Variants in AGBL1 observed in about 807,000 individuals in gnomAD.
The protein encoded by AGBL1 is cytosolic carboxypeptidase 4.
Under a neutral mutation model 118.9 loss-of-function variants are expected in AGBL1, and 130 were observed. The observed-to-expected ratio is 1.09, with a 90% CI of 0.95 to 1.26. The LOEUF is 1.26. AGBL1 is among the 50% of genes most tolerant of loss of function. The pLI, the probability that AGBL1 is intolerant of heterozygous loss-of-function variation, is 0.00. For synonymous variants in AGBL1, 555 were observed against 478.9 expected, an observed-to-expected ratio of 1.16 and a Z score of -2.08; for missense variants, 1,584 against 1,298.1, an observed-to-expected ratio of 1.22 and a Z score of -3.38.
At chr15:86,222,148 G>A (rs988811082) in intron 5 of AGBL1, among the ~76,000 whole-genome samples, 1 of 152,024 alleles carries the variant, frequency 6.6e-6, no homozygotes, top group Admixed American at 6.6e-5. Flanking sequence ...TTTCCTCTCC[G>A]ATATCACCTG....
At chr15:86,459,574 T>TG (rs1441007347) in intron 18 of AGBL1, among the ~76,000 whole-genome samples, 2 of 152,158 alleles carry the variant, frequency 1.3e-5, no homozygotes, top group Non-Finnish European at 2.9e-5. Context: ...CTCTTATAAA[T>TG]TTTTTCCCAG....
chr15:86,130,070 G>A (rs2076799794), intron 1 of AGBL1, among the ~76,000 whole-genome samples: 1 of 152,130 alleles, frequency 6.6e-6, no homozygotes, highest in Non-Finnish European at 1.5e-5. Context: ...AGTCGTGTGG[G>A]TAGGGGAAAG....
intron 18 of AGBL1, among the ~76,000 whole-genome samples, chr15:86,422,421 C>G (rs182376124): frequency 6.6e-6 from 1 of 152,174 alleles, no homozygotes; most frequent in Admixed American, 6.5e-5. Context: ...CACAACTTAC[C>G]ACAATCTCTG....
chr15:86,633,846 ATGTATATATAT>A (rs2085028251), intron 21 of AGBL1, among the ~76,000 whole-genome samples: 1 of 35,840 alleles, frequency 2.8e-5, no homozygotes, highest in East Asian at 3.2e-3. Context: ...TATATATATA[ATGTATATATAT>A]ATATAATGTA....
At chr15:86,612,482 C>T (rs1409911602) in intron 21 of AGBL1, among the ~76,000 whole-genome samples, 1 of 152,048 alleles carries the variant, frequency 6.6e-6, no homozygotes, top group Non-Finnish European at 1.5e-5. Flanking sequence ...ATCACACCCT[C>T]CTCCCTTCGG....
At chr15:86,224,788 A>T (rs1281696483) in intron 5 of AGBL1, 126 bp from the exon 6 acceptor site, 2 of 844,600 alleles carry the variant, frequency 2.4e-6, no homozygotes, top group African/African-American at 1.7e-5. Context: ...CAATCAATAG[A>T]TTGCCTGCTA....
At chr15:86,611,248 A>G (rs1416268956) in intron 21 of AGBL1, among the ~76,000 whole-genome samples, 3 of 152,218 alleles carry the variant, frequency 2.0e-5, no homozygotes, top group African/African-American at 7.2e-5. Flanking sequence ...GTTTTAGAGG[A>G]ACTTCTGTGA....
rs150410348 is a variant in AGBL1, at chr15:86,736,171, A to G, written c.3158+61735A>G. Among the ~76,000 whole-genome samples the G allele has an allele frequency of 7.5e-3, 1,141 of 152,282 alleles. 5 individuals are homozygous for G. Among genetic ancestry groups the G allele is most frequent in the African/African-American group, 0.023 (974 of 41,556 alleles). On this transcript the variant is annotated intron_variant, in intron 22 of 22. Transcript: ENST00000614907. Reference sequence around the variant, plus strand: ...GCCGAGGTGGGCAGATCACGAGGTCAGGACATCAAGACCATCCTGTCCAAT... The same window carrying G: ...GCCGAGGTGGGCAGATCACGAGGTCGGGACATCAAGACCATCCTGTCCAAT...
chr15:86,453,641 G>T (rs1444251118), intron 18 of AGBL1, among the ~76,000 whole-genome samples: 1 of 152,136 alleles, frequency 6.6e-6, no homozygotes, highest in Admixed American at 6.5e-5. Flanking sequence ...TAGTAAGCTG[G>T]TCAATTTATT....
At chr15:86,471,898 A>G (rs1011541235) in intron 18 of AGBL1, among the ~76,000 whole-genome samples, 2 of 152,216 alleles carry the variant, frequency 1.3e-5, no homozygotes, top group African/African-American at 4.8e-5. Context: ...AAATGTCACT[A>G]AGTTAAAGAT....
intron 23 of AGBL1, among the ~76,000 whole-genome samples, chr15:86,922,491 C>T (rs1307792109): frequency 6.6e-6 from 1 of 152,156 alleles, no homozygotes; most frequent in Non-Finnish European, 1.5e-5. Context: ...AGGGTTTCAC[C>T]CTGTTGGCCA....
rs200864639 is a variant in AGBL1, at chr15:86,850,835, C to T, written c.3159-56252C>T. On this transcript the variant is annotated intron_variant, in intron 22 of 22. Transcript: ENST00000614907. ...CCAAAAGCTAAAAAACAAAACAAAA[C>T]AAAATGAAAAGATAGTTTCCTTCTG... Among the ~76,000 whole-genome samples the T allele has an allele frequency of 3.7e-3, 156 of 42,456 alleles. 1 individual carries two copies. The East Asian group carries it at 0.094, about 26-fold the overall frequency. The allele number at this position is 42,456 out of a possible 152,430, so 27.9% of individuals were successfully genotyped here. A position where few individuals can be genotyped will look rare whatever the true frequency, so the allele number is the denominator to read the frequency against.
intron 5 of AGBL1, among the ~76,000 whole-genome samples, chr15:86,219,678 C>T (rs924893717): frequency 2.0e-5 from 3 of 152,098 alleles, no homozygotes; most frequent in African/African-American, 7.2e-5. Flanking sequence ...TTAAGCTGTA[C>T]CACACTGTGC....
intron 17 of AGBL1, among the ~76,000 whole-genome samples, chr15:86,301,751 G>T (rs2079751107): frequency 6.6e-6 from 1 of 151,140 alleles, no homozygotes; most frequent in Non-Finnish European, 1.5e-5. Context: ...ACTAAGTTCA[G>T]CGGAAGCACA....
intron 24 of AGBL1, among the ~76,000 whole-genome samples, chr15:86,992,175 G>T (rs1029351889): frequency 6.6e-6 from 1 of 151,944 alleles, no homozygotes; most frequent in African/African-American, 2.4e-5. Context: ...TGTAGCACGT[G>T]CCACACTCTT....
intron 6 of AGBL1, among the ~76,000 whole-genome samples, chr15:86,231,695 T>C (rs1446227861): frequency 6.6e-6 from 1 of 152,106 alleles, no homozygotes; most frequent in East Asian, 1.9e-4. Context: ...GGAACTGAAG[T>C]TTGGAAAGCT....
chr15:86,561,300 T>G (rs1009355835), intron 21 of AGBL1, among the ~76,000 whole-genome samples: 1 of 152,248 alleles, frequency 6.6e-6, no homozygotes, highest in Admixed American at 6.5e-5. Context: ...GGTCTAACAT[T>G]TAAGTCTTTA....
At chr15:86,387,410 C>T (rs1382367154) in intron 17 of AGBL1, among the ~76,000 whole-genome samples, 1 of 152,062 alleles carries the variant, frequency 6.6e-6, no homozygotes, top group African/African-American at 2.4e-5. Flanking sequence ...AGTGTGTTAC[C>T]TGGAAGATGA....
At chr15:86,427,328 G>A (rs2081879045) in intron 18 of AGBL1, among the ~76,000 whole-genome samples, 1 of 152,160 alleles carries the variant, frequency 6.6e-6, no homozygotes, top group Non-Finnish European at 1.5e-5. Flanking sequence ...GCATAAGGAT[G>A]AATATTAGGG....
Sources: gnomAD v4.1 joint callset for allele counts (sites outside exome capture counted in the v4.1 genomes callset) on GRCh38, gnomAD v4.1.1 for gene constraint, MANE v1.5 for transcripts, NCBI Gene and HGNC (gene_info 2026-07-23, HGNC 2026-07-21) for gene names.